The following WDR75 variants were observed in gnomAD, a reference collection of about 807,000 sequenced individuals.
The protein encoded by WDR75 is WD repeat domain 75, also known as WD repeat-containing protein 75.
WDR75 carries 52 observed loss-of-function variants against 106.1 expected under a neutral mutation model. The ratio of observed to expected loss-of-function variants is 0.49; its 90% CI spans 0.39 to 0.62. WDR75 has a LOEUF of 0.62. Among genes scored for constraint, WDR75 ranks in the 20% least tolerant of loss-of-function variants. The pLI, the probability that WDR75 is intolerant of heterozygous loss-of-function variation, is 0.00. For synonymous variants in WDR75, 333 were observed against 335.5 expected, an observed-to-expected ratio of 0.99 and a Z score of 0.08; for missense variants, 905 against 970.3, an observed-to-expected ratio of 0.93 and a Z score of 0.89.
chr2:189,445,366 T>C (rs1686475340), intron 1 of WDR75, among the ~76,000 whole-genome samples: 1 of 152,230 alleles, frequency 6.6e-6, no homozygotes, highest in African/African-American at 2.4e-5. Context: ...ACAGACAGTC[T>C]TAATGCCTTG....
Position 189,470,104 on chromosome 2 carries a change from G to C in WDR75, c.1848G>C (p.Arg616Ser), listed in dbSNP as rs1687087774. The change falls in exon 17 of 21, where the codon AGG becomes AGC. Residue 616 changes from arginine (R) to serine (S), a missense_variant. Coordinates refer to ENST00000314761, the MANE Select transcript of WDR75 (RefSeq NM_032168.3). Reference protein sequence around the residue: ...DLFVFKPSEPRPLYIQKGISR... With the variant: ...DLFVFKPSEPSPLYIQKGISR... ...TTGTATTTAAACCTAGTGAGCCAAGGCCATTGTATATTCAAAAGGGTATCT... is the reference window on the plus strand; with the variant it reads ...TTGTATTTAAACCTAGTGAGCCAAGCCCATTGTATATTCAAAAGGGTATCT... 1.2e-6 allele frequency: 2 copies of C among 1,612,734 alleles called. No homozygotes were observed.
chr2:189,451,709 C>G, intron 3 of WDR75, 96 bp from the exon 4 acceptor site: 2 of 1,032,582 alleles, frequency 1.9e-6, no homozygotes, highest in Non-Finnish European at 2.9e-6. Flanking sequence ...GGGAATACAG[C>G]AATGAGCAAA....
chr2:189,464,971 G>A, intron 11 of WDR75, 108 bp from the exon 12 acceptor site: 1 of 849,720 alleles, frequency 1.2e-6, no homozygotes, highest in Non-Finnish European at 1.8e-6. Flanking sequence ...TTACTATACA[G>A]TACAGAAGTT....
chr2:189,468,408 C>A, intron 14 of WDR75, 67 bp from the exon 15 acceptor site: 1 of 1,430,888 alleles, frequency 7.0e-7, no homozygotes, highest in Non-Finnish European at 9.9e-7. Context: ...CGCTGGAAGC[C>A]TGCAGTTCTT....
chr2:189,473,706 A>G (rs761475543), intron 18 of WDR75, among the ~76,000 whole-genome samples: 6 of 152,138 alleles, frequency 3.9e-5, no homozygotes, highest in Non-Finnish European at 7.3e-5. Flanking sequence ...CAGAGTTACT[A>G]TTATTACCAA....
intron 9 of WDR75, among the ~76,000 whole-genome samples, chr2:189,463,483 G>C (rs1478711884): frequency 6.6e-6 from 1 of 152,072 alleles, no homozygotes; most frequent in Non-Finnish European, 1.5e-5. Context: ...TGGCTTCCCT[G>C]AGCCACATTG....
intron 1 of WDR75, among the ~76,000 whole-genome samples, chr2:189,447,045 T>G (rs1055290208): frequency 6.6e-6 from 1 of 152,220 alleles, no homozygotes; most frequent in African/African-American, 2.4e-5. Flanking sequence ...AATTCACTAC[T>G]GAGAATGGCA....
chr2:189,468,085 C>T (rs1687041042), intron 14 of WDR75, among the ~76,000 whole-genome samples: 1 of 152,108 alleles, frequency 6.6e-6, no homozygotes, highest in South Asian at 2.1e-4. Context: ...CTAATGAGAT[C>T]GTCTCTAATT....
intron 18 of WDR75, among the ~76,000 whole-genome samples, chr2:189,471,305 G>A (rs1205378540): frequency 2.0e-5 from 3 of 151,996 alleles, no homozygotes; most frequent in Non-Finnish European, 4.4e-5. Flanking sequence ...TGAATTTTTA[G>A]CTGTTTTTCA....
At chr2:189,445,048 T>A (rs752365388) in intron 1 of WDR75, among the ~76,000 whole-genome samples, 1 of 152,170 alleles carries the variant, frequency 6.6e-6, no homozygotes, top group Non-Finnish European at 1.5e-5. Flanking sequence ...TTACACACCT[T>A]CCAGTCTACA....
Position 189,467,449 on chromosome 2 carries a change from A to G in WDR75, c.1448-19A>G. ...AGCATTTACACAATTTCTGAACATT[A>G]TGGCTTATATTTCCACAGAAAAAGC... On this transcript the variant is annotated intron_variant, in intron 13 of 20. Transcript: ENST00000314761. 6.3e-7 allele frequency: 1 copy of G among 1,582,230 alleles called. No homozygotes were observed. The highest frequency in any genetic ancestry group is 8.6e-7 in the Non-Finnish European group (1 of 1,163,680).
chr2:189,475,131 A>G (rs561759367), intron 20 of WDR75, 82 bp from the exon 21 acceptor site: 13 of 1,058,380 alleles, frequency 1.2e-5, no homozygotes, highest in Non-Finnish European at 1.8e-5. Flanking sequence ...GTGTGATTAT[A>G]TTTCTACATA....
chr2:189,454,452 T>A (rs1574192401), intron 4 of WDR75, among the ~76,000 whole-genome samples: 1 of 152,318 alleles, frequency 6.6e-6, no homozygotes, highest in East Asian at 1.9e-4. Context: ...ATATTCTTTT[T>A]CCATTTTAAA....
At chr2:189,473,873 C>G (rs189280364) in intron 18 of WDR75, among the ~76,000 whole-genome samples, 2 of 152,282 alleles carry the variant, frequency 1.3e-5, no homozygotes, top group East Asian at 3.9e-4. Context: ...AGGCCTTTTC[C>G]CTCATTTTCT....
Position 189,470,852 on chromosome 2 carries a change from G to A in WDR75, c.2023G>A (p.Glu675Lys), listed in dbSNP as rs746502762. 2.5e-6 allele frequency: 4 copies of A among 1,598,004 alleles called. No homozygotes were observed. In the East Asian group the frequency reaches 6.9e-5, roughly 27 times the overall value. Residue 675 changes from glutamate to lysine, a missense_variant, in exon 18 of 21, where the codon GAA becomes AAA. Transcript: ENST00000314761. ...GACATTCAGTACAAAGTCTCCAGAA[G>A]AAAAACTCACACCAACAAGCAAACA... is the stretch of plus-strand genomic sequence containing the variant. ...LLTFSTKSPE[E>K]KLTPTSKQLL... is the part of the protein sequence containing the mutation.
In WDR75 at chr2:189,463,864, G is replaced by C. The variant is rs770675783; in HGVS notation, c.1016G>C (p.Gly339Ala). The change falls in exon 11 of 21, where the codon GGT becomes GCT. Residue 339 changes from glycine to alanine, a missense_variant. By Grantham distance (60) the Gly-to-Ala change is moderately conservative. Transcript: ENST00000314761. ...GLVKDRSIFT[G>A]LMIDPRTKAL... ...TCTGCAGATAGGAGTATCTTCACTG[G>C]TTTGATGATTGATCCAAGAACTAAA... 4 of 1,613,814 alleles carry C rather than the reference G, an allele frequency of 2.5e-6. No homozygotes were observed. The highest frequency in any genetic ancestry group is 3.4e-6 in the Non-Finnish European group (4 of 1,179,812).
At chr2:189,442,515 A>G (rs755948871) in intron 1 of WDR75, among the ~76,000 whole-genome samples, 6 of 132,932 alleles carry the variant, frequency 4.5e-5, no homozygotes, top group Non-Finnish European at 6.2e-5. Flanking sequence ...CAGTGGCTCA[A>G]TCTAGGCTCA....
chr2:189,455,014 G>GT (rs1293559834), intron 4 of WDR75, among the ~76,000 whole-genome samples: 1 of 152,104 alleles, frequency 6.6e-6, no homozygotes, highest in African/African-American at 2.4e-5. Context: ...GGCAAGATGG[G>GT]TGGATCACTT....
Position 189,459,425 on chromosome 2 carries a change from G to T in WDR75, c.778+1G>T. 1 of 1,609,112 alleles carries T rather than the reference G, an allele frequency of 6.2e-7. No individual in the cohort carries two copies. The highest frequency in any genetic ancestry group is 8.5e-7 in the Non-Finnish European group (1 of 1,176,896). Reference sequence around the variant, plus strand: ...ATGGATTTGGCTTTTTCAGTGACAGGTAAGTGCGGGTTTAATTATTAAAAT... The same window carrying T: ...ATGGATTTGGCTTTTTCAGTGACAGTTAAGTGCGGGTTTAATTATTAAAAT... On this transcript the variant is annotated splice_donor_variant, in intron 8 of 20. Transcript: ENST00000314761. LOFTEE classifies it high-confidence loss of function.
Sources: gnomAD v4.1 joint callset for allele counts (sites outside exome capture counted in the v4.1 genomes callset) on GRCh38, gnomAD v4.1.1 for gene constraint, MANE v1.5 for transcripts, NCBI Gene and HGNC (gene_info 2026-07-23, HGNC 2026-07-21) for gene names.